Variants in GPATCH8 observed in about 807,000 individuals in gnomAD.
The protein encoded by GPATCH8 is G-patch domain containing 8.
A neutral mutation model predicts 118.3 loss-of-function variants in GPATCH8; 18 were observed. The ratio of observed to expected loss-of-function variants is 0.15; its 90% CI spans 0.11 to 0.23. The LOEUF (loss-of-function observed/expected upper bound fraction) is 0.23, where lower values mean the gene tolerates loss of function less well. GPATCH8 is among the 10% of genes least tolerant of loss of function. GPATCH8 has a pLI of 1.00. For missense variants in GPATCH8, 1,631 were observed against 1,873.8 expected, an observed-to-expected ratio of 0.87 and a Z score of 2.39; for synonymous variants, 659 against 684.7, an observed-to-expected ratio of 0.96 and a Z score of 0.59.
At chr17:44,439,645 C>T (rs1478968490) in intron 3 of GPATCH8, among the ~76,000 whole-genome samples, 1 of 151,940 alleles carries the variant, frequency 6.6e-6, no homozygotes, top group African/African-American at 2.4e-5. Flanking sequence ...AACAAAAAAC[C>T]CCCTCAGTTT....
rs777076202 is a variant in GPATCH8 at position 44,405,926 on chromosome 17, A to T, written c.618T>A (p.Ala206=). ...CTGATAAAAAATATCCTCACCATTC[A>T]GCTTGTTTTCTTTGCTCTGCCAACT... ...LHELAEQRKQ[A]ECAPGSGPMF... is the part of the protein sequence containing the mutation. Residue 206 remains alanine (A), a synonymous_variant, in exon 7 of 8, where the codon GCT becomes GCA. Transcript: ENST00000591680. 1.2e-6 allele frequency: 2 copies of T among 1,609,090 alleles called. No homozygotes were observed. Among genetic ancestry groups the T allele is most frequent in the South Asian group, 2.2e-5 (2 of 90,984 alleles).
intron 3 of GPATCH8, among the ~76,000 whole-genome samples, chr17:44,463,512 A>G (rs993062426): frequency 2.0e-5 from 3 of 152,138 alleles, no homozygotes; most frequent in Non-Finnish European, 4.4e-5. Flanking sequence ...CAGGCTCCCA[A>G]GCTGGGACTA....
At chr17:44,497,092 G>C (rs748479958) in intron 1 of GPATCH8, among the ~76,000 whole-genome samples, 5 of 152,142 alleles carry the variant, frequency 3.3e-5, no homozygotes, top group Admixed American at 1.3e-4. Context: ...GAAAATTAAT[G>C]CCAGACTTAC....
At chr17:44,465,668 A>G (rs906508588) in intron 2 of GPATCH8, 1 of 152,238 alleles carries the variant, frequency 6.6e-6, no homozygotes, top group Non-Finnish European at 1.5e-5. Flanking sequence ...AAGTCACAAT[A>G]TAAGTAATGT....
At chr17:44,413,265 C>A (rs2049516217) in intron 6 of GPATCH8, among the ~76,000 whole-genome samples, 1 of 152,056 alleles carries the variant, frequency 6.6e-6, no homozygotes, top group South Asian at 2.1e-4. Flanking sequence ...GAAAAAAATA[C>A]AAATTCTTTT....
intron 1 of GPATCH8, among the ~76,000 whole-genome samples, chr17:44,478,408 G>A (rs1165530447): frequency 3.3e-5 from 5 of 152,058 alleles, no homozygotes; most frequent in Admixed American, 2.6e-4. Context: ...CCAGCACTTC[G>A]GGAGGCTGAA....
intron 1 of GPATCH8, among the ~76,000 whole-genome samples, chr17:44,478,438 C>T (rs1487300030): frequency 6.6e-6 from 1 of 151,960 alleles, no homozygotes; most frequent in Non-Finnish European, 1.5e-5. Flanking sequence ...CTGCTGGAGG[C>T]CAGGAAGTTG....
chr17:44,403,586 A>T (rs2049108024), intron 7 of GPATCH8, among the ~76,000 whole-genome samples: 1 of 152,194 alleles, frequency 6.6e-6, no homozygotes, highest in African/African-American at 2.4e-5. Context: ...ATCAAGAACT[A>T]AACAGAATCA....
At chr17:44,413,224 A>C (rs2049514179) in intron 6 of GPATCH8, among the ~76,000 whole-genome samples, 1 of 152,220 alleles carries the variant, frequency 6.6e-6, no homozygotes, top group Non-Finnish European at 1.5e-5. Flanking sequence ...TACTAATGCC[A>C]ATTACAGATA....
chr17:44,474,818 GATT>G lies in GPATCH8; in HGVS notation c.120+8_120+10del, dbSNP rs768254321. The G allele has an allele frequency of 3.0e-5, 43 of 1,448,780 alleles. No homozygotes were observed. The highest frequency in any genetic ancestry group is 1.7e-4 in the Middle Eastern group (1 of 5,756). 89.7% of individuals were successfully genotyped at this position (1,448,780 alleles called of 1,614,324 possible). ...TAGCTAAGACCCGAAATTAAGCACT[GATT>G]ATCTTACCGATTCTATAGGCTTGTC... On this transcript the variant is annotated splice_region_variant and intron_variant, in intron 2 of 7. Coordinates refer to ENST00000591680, the MANE Select transcript of GPATCH8 (RefSeq NM_001002909.4).
intron 2 of GPATCH8, among the ~76,000 whole-genome samples, chr17:44,474,004 T>TA (rs1432986313): frequency 6.6e-6 from 1 of 152,220 alleles, no homozygotes; most frequent in Non-Finnish European, 1.5e-5. Context: ...TCATGATGGT[T>TA]ATAAAGATTA....
At chr17:44,466,637 G>A (rs2051776064) in intron 2 of GPATCH8, among the ~76,000 whole-genome samples, 1 of 152,020 alleles carries the variant, frequency 6.6e-6, no homozygotes, top group Non-Finnish European at 1.5e-5. Context: ...AAACAGAAAA[G>A]ATTAAAAGTC....
intron 3 of GPATCH8, among the ~76,000 whole-genome samples, chr17:44,453,877 T>C (rs1272512393): frequency 1.3e-5 from 2 of 151,866 alleles, no homozygotes; most frequent in Non-Finnish European, 2.9e-5. Context: ...GAACTCTGCT[T>C]CAATCAAAAC....
chr17:44,464,931 A>T, intron 2 of GPATCH8: 18 of 160,378 alleles, frequency 1.1e-4, no homozygotes, highest in South Asian at 3.3e-4. Context: ...CACCACTTTA[A>T]GATTTTTTTT....
intron 1 of GPATCH8, among the ~76,000 whole-genome samples, chr17:44,478,142 A>G (rs1235692999): frequency 1.3e-5 from 2 of 152,208 alleles, no homozygotes; most frequent in Non-Finnish European, 2.9e-5. Flanking sequence ...TCTGTCTTCA[A>G]TTTACCTCCA....
At chr17:44,407,519 T>C (rs776010263) in intron 6 of GPATCH8, among the ~76,000 whole-genome samples, 4 of 152,190 alleles carry the variant, frequency 2.6e-5, no homozygotes, top group Non-Finnish European at 5.9e-5. Flanking sequence ...CTACCTGTAT[T>C]TCTTCCAGAA....
At position 44,397,586 on chromosome 17, in the gene GPATCH8, G is replaced by A. The variant is rs566581403; in HGVS notation, c.4491C>T (p.Pro1497=). 52 of 1,613,034 alleles carry A rather than the reference G, an allele frequency of 3.2e-5. 2 individuals carry two copies. In the South Asian group the frequency reaches 5.6e-4, roughly 17 times the overall value. The stretch of plus-strand genomic sequence containing the variant: ...CCCCAACTCACGTGCCATGGCTGGG[G>A]GGATGTTGCAGGTCCTGACCTGAGA... ...PIFSGQDLQH[P]PSHGT The change falls in exon 8 of 8, where the codon CCC becomes CCT. Residue 1497 remains proline (P), a synonymous_variant. Coordinates refer to ENST00000591680, the MANE Select transcript of GPATCH8 (RefSeq NM_001002909.4).
rs1403425454 is a variant in GPATCH8 at position 44,397,964 on chromosome 17, G to A, written c.4113C>T (p.Ser1371=). The A allele has an allele frequency of 6.2e-7, 1 of 1,614,104 alleles. No individual in the cohort carries two copies. Among genetic ancestry groups the A allele is most frequent in the South Asian group, 1.1e-5 (1 of 91,076 alleles). ...GGATGGCATGCTGAACAGTTGTGAT[G>A]GAGGTGGCAGAGGCTGTAGCTGGCT... is the stretch of plus-strand genomic sequence containing the variant. ...IQQPATASAT[S]ITTVQHAILQ... The change falls in exon 8 of 8, where the codon TCC becomes TCT. Residue 1371 remains serine, a synonymous_variant. Coordinates refer to ENST00000591680, the MANE Select transcript of GPATCH8 (RefSeq NM_001002909.4).
intron 5 of GPATCH8, among the ~76,000 whole-genome samples, chr17:44,429,726 T>C (rs1276648416): frequency 3.4e-5 from 5 of 148,806 alleles, no homozygotes; most frequent in Non-Finnish European, 6.0e-5. Flanking sequence ...CAGCTGAGCA[T>C]GGTGGCACGT....
Sources: gnomAD v4.1 joint callset for allele counts (sites outside exome capture counted in the v4.1 genomes callset) on GRCh38, gnomAD v4.1.1 for gene constraint, MANE v1.5 for transcripts, NCBI Gene and HGNC (gene_info 2026-07-23, HGNC 2026-07-21) for gene names.